The following AKAP13 variants were observed in gnomAD, a reference collection of about 807,000 sequenced individuals.
AKAP13 encodes A-kinase anchor protein 13.
Under a neutral mutation model 264.5 loss-of-function variants are expected in AKAP13, and 80 were observed. The observed-to-expected ratio is 0.30, with a 90% CI of 0.25 to 0.36. The LOEUF (loss-of-function observed/expected upper bound fraction) is 0.36, where lower values mean the gene tolerates loss of function less well. Ranked by LOEUF, AKAP13 falls within the 10% of genes least tolerant of loss-of-function variation. AKAP13 has a pLI of 1.00. For synonymous variants in AKAP13, 1,380 were observed against 1,250.2 expected (o/e 1.10, Z -2.19); for missense variants, 3,712 against 3,435.2 (o/e 1.08, Z -2.01).
Position 85,727,296 on chromosome 15 carries a change from GTGT to G in AKAP13, c.7004+50_7004+52del, listed in dbSNP as rs1567216635. On this transcript the variant is annotated intron_variant, in intron 28 of 36. Transcript: ENST00000394518. The surrounding 1 kb of genome is among the most constrained non-coding windows in gnomAD (Gnocchi z 5.3). The stretch of plus-strand genomic sequence containing the variant: ...CCTTCCCAGCCCTCCTGATGTCTCT[GTGT>G]GATTTCATAACAGGCTGGACTGTGA... 5.0e-6 allele frequency: 8 copies of G among 1,613,104 alleles called. No homozygotes were observed. The highest frequency in any genetic ancestry group is 6.8e-6 in the Non-Finnish European group (8 of 1,179,284).
At chr15:85,721,367 C>T (rs1300325877) in intron 23 of AKAP13, among the ~76,000 whole-genome samples, 1 of 152,156 alleles carries the variant, frequency 6.6e-6, no homozygotes, top group Non-Finnish European at 1.5e-5. Context: ...ATTTGTGTTG[C>T]CTCTGGAGGT....
Position 85,727,806 on chromosome 15 carries a change from A to G in AKAP13, c.7087+343A>G, listed in dbSNP as rs1758895648. Among the ~76,000 whole-genome samples, 2 of 152,198 alleles carry G rather than the reference A, an allele frequency of 1.3e-5. No individual in the cohort carries two copies. The highest frequency in any genetic ancestry group is 1.5e-5 in the Non-Finnish European group (1 of 68,044). ...TCACATCTAAGATTAAAACAAGGAG[A>G]GAAAGGAATTTGGGGAAAAGAATTC... On this transcript the variant is annotated intron_variant, in intron 29 of 36. Transcript: ENST00000394518. This position sits in a 1 kb window ranked among gnomAD's most constrained non-coding sequence, Gnocchi z 5.3.
intron 3 of AKAP13, among the ~76,000 whole-genome samples, chr15:85,524,875 CTGTGTGTGTG>C (rs61626116): frequency 3.4e-5 from 5 of 147,228 alleles, no homozygotes; most frequent in Non-Finnish European, 6.0e-5. Flanking sequence ...CCCCATTCCC[CTGTGTGTGTG>C]TGTGTGTGTG....
intron 8 of AKAP13, among the ~76,000 whole-genome samples, chr15:85,590,182 A>G (rs1270542684): frequency 2.0e-5 from 3 of 152,246 alleles, no homozygotes; most frequent in African/African-American, 7.2e-5. Context: ...TGTAAAATAG[A>G]ACAAATTCCT....
At chr15:85,434,502 T>G (rs1367983978) in intron 1 of AKAP13, among the ~76,000 whole-genome samples, 1 of 152,134 alleles carries the variant, frequency 6.6e-6, no homozygotes, top group Non-Finnish European at 1.5e-5. Context: ...CTCTGTAGGC[T>G]CCACCTCTGG....
rs565146846 is a variant in AKAP13 at position 85,722,278 on chromosome 15, A to G, written c.6427A>G (p.Ile2143Val). 4 of 1,613,932 alleles carry G rather than the reference A, an allele frequency of 2.5e-6. No individual in the cohort carries two copies. The highest frequency in any genetic ancestry group is 1.3e-5 in the African/African-American group (1 of 75,040). The change falls in exon 25 of 37, where the codon ATA becomes GTA. Residue 2143 changes from isoleucine (I) to valine (V), a missense_variant. Around this residue, in one of 3 missense-constraint regions of AKAP13, gnomAD observed 342 missense variants for 484.3 expected, o/e 0.71. Coordinates refer to ENST00000394518, the MANE Select transcript of AKAP13 (RefSeq NM_007200.5). ...VVRRLGIPEC[I>V]LLVTQRITKY... ...TAGAAGGCTTGGAATTCCAGAGTGCATATTGCTTGTAACTCAGCGGATTAC... is the reference window on the plus strand; with the variant it reads ...TAGAAGGCTTGGAATTCCAGAGTGCGTATTGCTTGTAACTCAGCGGATTAC...
intron 8 of AKAP13, among the ~76,000 whole-genome samples, chr15:85,633,779 C>T (rs1355601669): frequency 1.3e-5 from 2 of 151,320 alleles, no homozygotes; most frequent in Non-Finnish European, 2.9e-5. Context: ...CTCCTGACCT[C>T]GTGATCTGCC....
At chr15:85,682,971 G>A (rs543256560) in intron 15 of AKAP13, among the ~76,000 whole-genome samples, 82 of 38,674 alleles carry the variant, frequency 2.1e-3, no homozygotes, top group African/African-American at 8.9e-3. Context: ...TTACTTGACA[G>A]CAAGCAAAAG....
At chr15:85,489,014 C>G (rs77835950) in intron 2 of AKAP13, among the ~76,000 whole-genome samples, 26 of 152,348 alleles carry the variant, frequency 1.7e-4, no homozygotes, top group African/African-American at 6.0e-4. Context: ...GTTAGAAACT[C>G]TCTGATCTTG....
At chr15:85,518,329 T>C (rs763479372) in intron 2 of AKAP13, among the ~76,000 whole-genome samples, 8 of 152,208 alleles carry the variant, frequency 5.3e-5, no homozygotes, top group Non-Finnish European at 8.8e-5. Flanking sequence ...GTGGCTGAAA[T>C]GCAGTTTGTT....
At chr15:85,566,486 C>G (rs1328512270) in intron 5 of AKAP13, among the ~76,000 whole-genome samples, 2 of 152,138 alleles carry the variant, frequency 1.3e-5, no homozygotes, top group Non-Finnish European at 2.9e-5. Flanking sequence ...CTTTGTAGCT[C>G]TAGCCTCTAG....
rs768029256 is a variant in AKAP13, at chr15:85,585,742, A to G, written c.4080A>G (p.Arg1360=). 5 of 1,614,050 alleles carry G rather than the reference A, an allele frequency of 3.1e-6. No homozygotes were observed. The South Asian group carries it at 4.4e-5, about 14-fold the overall frequency. Residue 1360 remains arginine, a synonymous_variant, in exon 8 of 37, where the codon AGA becomes AGG. Transcript: ENST00000394518. ...DVKAEDEVDF[R]ASSISEEVAV... ...AAGCTGAAGATGAAGTGGATTTTAG[A>G]GCAAGTTCAATTTCTGAAGAAGTGG...
intron 1 of AKAP13, among the ~76,000 whole-genome samples, chr15:85,458,386 G>GTTTTTTTTTTTTTTTT (rs1160050565): frequency 9.6e-5 from 10 of 103,926 alleles, no homozygotes; most frequent in African/African-American, 4.6e-4. Flanking sequence ...TGTATTTTTT[G>GTTTTTTTTTTTTTTTT]TTTTTTGTTT....
intron 8 of AKAP13, among the ~76,000 whole-genome samples, chr15:85,620,635 A>G (rs2081141825): frequency 6.6e-6 from 1 of 151,982 alleles, no homozygotes; most frequent in African/African-American, 2.4e-5. Flanking sequence ...GTCTCGTTCA[A>G]TTCTTTAGGG....
chr15:85,410,446 G>A (rs2079384308), intron 1 of AKAP13, among the ~76,000 whole-genome samples: 1 of 151,566 alleles, frequency 6.6e-6, no homozygotes, highest in Non-Finnish European at 1.5e-5. Flanking sequence ...ACACCTTTCA[G>A]GGGCTTTGTG....
At chr15:85,387,144 G>A (rs1490453543) in intron 1 of AKAP13, among the ~76,000 whole-genome samples, 1 of 151,976 alleles carries the variant, frequency 6.6e-6, no homozygotes, top group Non-Finnish European at 1.5e-5. Context: ...AGACCAGCCT[G>A]GCTGACATGG....
chr15:85,505,726 G>C (rs918191608), intron 2 of AKAP13, among the ~76,000 whole-genome samples: 1 of 152,198 alleles, frequency 6.6e-6, no homozygotes, highest in African/African-American at 2.4e-5. Context: ...GGCTTTGTTG[G>C]CTAGTTTCAA....
At chr15:85,540,770 A>T (rs1480476459) in intron 4 of AKAP13, among the ~76,000 whole-genome samples, 1 of 152,226 alleles carries the variant, frequency 6.6e-6, no homozygotes, top group Non-Finnish European at 1.5e-5. Flanking sequence ...CCTAATTCAC[A>T]TGACCCCTGA....
intron 4 of AKAP13, 186 bp downstream of exon 4, chr15:85,534,066 C>A: frequency 1.7e-6 from 1 of 591,922 alleles, no homozygotes; most frequent in Non-Finnish European, 2.8e-6. Context: ...AGCTGTTAAG[C>A]ATGTTGTTGC....
Sources: allele counts gnomAD v4.1 joint callset (sites outside exome capture counted in the v4.1 genomes callset), GRCh38; gene constraint gnomAD v4.1.1; regional missense constraint gnomAD v4.1.1; non-coding constraint Gnocchi (gnomAD v3.1); transcripts MANE v1.5; gene names NCBI Gene and HGNC (gene_info 2026-07-23, HGNC 2026-07-21).